ECRG4: variants seen among roughly 807,000 people sequenced by gnomAD.
The protein encoded by ECRG4 is augurin.
Under a neutral mutation model 15.8 loss-of-function variants are expected in ECRG4, and 18 were observed. The observed-to-expected ratio is 1.14, with a 90% confidence interval of 0.79 to 1.69. The LOEUF (loss-of-function observed/expected upper bound fraction) is 1.69. Among genes scored for constraint, ECRG4 ranks in the 40% most tolerant of loss-of-function variants. The pLI is 0.00. For synonymous variants in ECRG4, 82 were observed against 73.9 expected, an observed-to-expected ratio of 1.11 and a Z score of -0.56; for missense variants, 200 against 190.9, an observed-to-expected ratio of 1.05 and a Z score of -0.28.
chr2:106,065,234 A>C (rs962802987), upstream of ECRG4, among the ~76,000 whole-genome samples: 2 of 151,954 alleles, frequency 1.3e-5, no homozygotes, highest in African/African-American at 2.4e-5. Flanking sequence ...CCAAGCAGGG[A>C]GGGAGGGAGA....
At chr2:106,075,504 C>T (rs1676466520) in intron 3 of ECRG4, among the ~76,000 whole-genome samples, 2 of 152,120 alleles carry the variant, frequency 1.3e-5, no homozygotes. Flanking sequence ...GGTGGATCAC[C>T]TGAGGTCAGG....
chr2:106,075,294 C>T (rs1676461759), intron 3 of ECRG4, among the ~76,000 whole-genome samples: 2 of 152,202 alleles, frequency 1.3e-5, no homozygotes, highest in South Asian at 4.1e-4. Flanking sequence ...AGTTTTCTGG[C>T]GTCTTCAGCA....
At chr2:106,063,664 C>A (rs1332061390), upstream of ECRG4, among the ~76,000 whole-genome samples, 3 of 152,198 alleles carry the variant, frequency 2.0e-5, no homozygotes, top group African/African-American at 7.2e-5. Flanking sequence ...CTCACTGCAA[C>A]CTCCGCCTCC....
At chr2:106,063,377 A>G (rs771071684), upstream of ECRG4, 1 of 152,186 alleles carries the variant, frequency 6.6e-6, no homozygotes, top group African/African-American at 2.4e-5. Context: ...TACCCAGCTT[A>G]TGGGATTTTG....
chr2:106,069,988 A>G (rs898877485), intron 1 of ECRG4, among the ~76,000 whole-genome samples: 17 of 152,210 alleles, frequency 1.1e-4, no homozygotes, highest in African/African-American at 3.4e-4. Context: ...CTACGCCGAT[A>G]TCTTAGCTGG....
chr2:106,069,331 T>C (rs1573359731), intron 1 of ECRG4, among the ~76,000 whole-genome samples: 2 of 150,646 alleles, frequency 1.3e-5, no homozygotes, highest in African/African-American at 4.9e-5. Context: ...CTCTCTCTCT[T>C]TCTTTCTTTT....
At chr2:106,075,584 G>A (rs969777166) in intron 3 of ECRG4, among the ~76,000 whole-genome samples, 4 of 152,186 alleles carry the variant, frequency 2.6e-5, no homozygotes, top group Admixed American at 1.3e-4. Flanking sequence ...TTAGCCAGGT[G>A]TGTGGCTCAC....
chr2:106,078,018 T>A lies in ECRG4; in HGVS notation c.*92T>A. The A allele has an allele frequency of 8.1e-7, 1 of 1,234,694 alleles. No individual in the cohort carries two copies. The highest frequency in any genetic ancestry group is 1.1e-6 in the Non-Finnish European group (1 of 913,052). 76.5% of individuals were successfully genotyped at this position (1,234,694 alleles called of 1,614,324 possible). On this transcript the variant is annotated 3_prime_UTR_variant, in exon 4 of 4. Transcript: ENST00000238044. ...ACACTACTTGGTTTCTGATTTGCTC[T>A]ATTTCAGCAGATCTTTTCTACCTAC... is the stretch of plus-strand genomic sequence containing the variant.
chr2:106,073,183 G>T (rs1362413180), intron 2 of ECRG4, among the ~76,000 whole-genome samples: 1 of 152,202 alleles, frequency 6.6e-6, no homozygotes, highest in African/African-American at 2.4e-5. Flanking sequence ...ACGCCTAATG[G>T]CACAGTGGCT....
At chr2:106,070,439 C>T (rs573069383) in intron 1 of ECRG4, among the ~76,000 whole-genome samples, 1 of 152,156 alleles carries the variant, frequency 6.6e-6, no homozygotes, top group Non-Finnish European at 1.5e-5. Flanking sequence ...TGGCTGCTTA[C>T]GGACCATGAG....
chr2:106,070,595 C>G (rs1038662281), intron 1 of ECRG4, among the ~76,000 whole-genome samples: 1 of 152,190 alleles, frequency 6.6e-6, no homozygotes, highest in African/African-American at 2.4e-5. Flanking sequence ...ACAGTAAATT[C>G]TTTGTGCAGA....
At chr2:106,069,094 TC>T (rs1182412199) in intron 1 of ECRG4, among the ~76,000 whole-genome samples, 10 of 76,536 alleles carry the variant, frequency 1.3e-4, no homozygotes, top group Non-Finnish European at 3.2e-4. Flanking sequence ...CTTCCTCCCT[TC>T]CTTCCTTCCT....
chr2:106,077,257 C>A (rs1041226492), intron 3 of ECRG4, among the ~76,000 whole-genome samples: 2 of 152,204 alleles, frequency 1.3e-5, no homozygotes, highest in African/African-American at 4.8e-5. Flanking sequence ...GTATAAGAGT[C>A]ACCATCAAAT....
At position 106,071,837 on chromosome 2, in the gene ECRG4, C is replaced by T. The variant is rs745794840; in HGVS notation, c.80-7C>T. On this transcript the variant is annotated splice_polypyrimidine_tract_variant and splice_region_variant and intron_variant, in intron 1 of 3. Transcript: ENST00000238044. ...TCTGATATGGATTTCAATTTTCATT[C>T]CTTTAGGTGGCATAAGTGGAAATAA... 6.2e-7 allele frequency: 1 copy of T among 1,612,654 alleles called. No individual in the cohort carries two copies. The highest frequency in any genetic ancestry group is 1.1e-5 in the South Asian group (1 of 90,970).
rs769220185 is a variant in ECRG4 at position 106,074,046 on chromosome 2, A to G, written c.285+3A>G. 2 of 1,611,572 alleles carry G rather than the reference A, an allele frequency of 1.2e-6. No individual in the cohort carries two copies. Among genetic ancestry groups the G allele is most frequent in the Admixed American group, 3.3e-5 (2 of 60,010 alleles). On this transcript the variant is annotated splice_donor_region_variant and intron_variant, in intron 3 of 3. Coordinates refer to ENST00000238044, the MANE Select transcript of ECRG4 (RefSeq NM_032411.3). ...TCTACATGGGCTTTGACGAAGCGGT[A>G]GGTGTTGCCTCCGGCTGCAGGCCTG...
At chr2:106,069,664 C>T (rs1339283624) in intron 1 of ECRG4, among the ~76,000 whole-genome samples, 1 of 152,140 alleles carries the variant, frequency 6.6e-6, no homozygotes, top group Non-Finnish European at 1.5e-5. Context: ...AGGTTAAACA[C>T]CTAAATTCCT....
intron 1 of ECRG4, among the ~76,000 whole-genome samples, chr2:106,071,341 A>G (rs998878843): frequency 1.0e-4 from 14 of 133,508 alleles, no homozygotes; most frequent in African/African-American, 3.5e-4. Flanking sequence ...AAAAAAAAAA[A>G]AAAAAAAAAA....
At chr2:106,076,558 C>G (rs1403071243) in intron 3 of ECRG4, among the ~76,000 whole-genome samples, 2 of 152,128 alleles carry the variant, frequency 1.3e-5, no homozygotes, top group African/African-American at 4.8e-5. Context: ...TGGCCCAGTA[C>G]CCACCAAGAG....
intron 2 of ECRG4, 135 bp from the exon 3 acceptor site, chr2:106,073,751 C>A: frequency 1.0e-6 from 1 of 982,360 alleles, no homozygotes; most frequent in Non-Finnish European, 1.6e-6. Context: ...TTGTCACATG[C>A]AAGTAAGAAT....
Sources: allele counts gnomAD v4.1 joint callset (sites outside exome capture counted in the v4.1 genomes callset), GRCh38; gene constraint gnomAD v4.1.1; transcripts MANE v1.5; gene names NCBI Gene and HGNC (gene_info 2026-07-23, HGNC 2026-07-21).